PDE1C: variants seen among roughly 807,000 people sequenced by gnomAD.
The protein encoded by PDE1C is dual specificity calcium/calmodulin-dependent 3',5'-cyclic nucleotide phosphodiesterase 1C.
PDE1C carries 62 observed loss-of-function variants against 93.1 expected under a neutral mutation model. That is an observed-to-expected ratio of 0.67 (90% CI 0.54 to 0.82). PDE1C has a LOEUF of 0.82. Among genes scored for constraint, PDE1C ranks in the 40% least tolerant of loss-of-function variants. The pLI is 0.00. For synonymous variants in PDE1C, 325 were observed against 310.1 expected (o/e 1.05, Z -0.50); for missense variants, 742 against 884.6 (o/e 0.84, Z 2.04).
chr7:32,398,641 G>A (rs1784885008), intron 1 of PDE1C, among the ~76,000 whole-genome samples: 2 of 151,866 alleles, frequency 1.3e-5, no homozygotes, highest in African/African-American at 2.4e-5. Flanking sequence ...CTCCCGTCTC[G>A]GCCTCCCAAA....
chr7:31,954,023 T>C (rs1483335324), intron 2 of PDE1C, among the ~76,000 whole-genome samples: 1 of 152,206 alleles, frequency 6.6e-6, no homozygotes. Context: ...CTGCTGTAAG[T>C]AAGCAAAACT....
chr7:31,794,215 T>G (rs1785018374), intron 16 of PDE1C, among the ~76,000 whole-genome samples: 1 of 151,850 alleles, frequency 6.6e-6, no homozygotes, highest in Non-Finnish European at 1.5e-5. Context: ...CTCCTAAAAT[T>G]TACCCATTTG....
At chr7:31,835,965 T>C (rs753264749) in intron 11 of PDE1C, among the ~76,000 whole-genome samples, 1 of 152,200 alleles carries the variant, frequency 6.6e-6, no homozygotes. Flanking sequence ...AAAGAGCCCA[T>C]CTCTTGTCAG....
At chr7:32,081,270 A>T (rs761615390) in intron 3 of PDE1C, among the ~76,000 whole-genome samples, 2 of 152,300 alleles carry the variant, frequency 1.3e-5, no homozygotes, top group Non-Finnish European at 1.5e-5. Context: ...AGCTCCCATC[A>T]AGTCAATTAA....
At chr7:32,182,273 A>C (rs1330900943) in intron 2 of PDE1C, among the ~76,000 whole-genome samples, 2 of 152,252 alleles carry the variant, frequency 1.3e-5, no homozygotes, top group Non-Finnish European at 2.9e-5. Flanking sequence ...CAATAGAAAA[A>C]GAGGAATCCT....
chr7:31,794,031 G>T (rs1343382259), intron 16 of PDE1C, among the ~76,000 whole-genome samples: 1 of 121,156 alleles, frequency 8.3e-6, no homozygotes, highest in Non-Finnish European at 1.7e-5. Flanking sequence ...TAGATAGATA[G>T]ATAGATAGAT....
intron 3 of PDE1C, among the ~76,000 whole-genome samples, chr7:32,141,876 ACT>A (rs1800554560): frequency 6.6e-6 from 1 of 152,190 alleles, no homozygotes. Flanking sequence ...ATATGGTGAC[ACT>A]CTGTATTGTC....
chr7:31,935,534 C>T (rs1804925294), intron 2 of PDE1C, among the ~76,000 whole-genome samples: 2 of 152,092 alleles, frequency 1.3e-5, no homozygotes, highest in African/African-American at 4.8e-5. Context: ...TCAGGGAGAG[C>T]TTTCAATGAT....
chr7:31,734,465 G>A, the PDE1C span, among the ~76,000 whole-genome samples: 1 of 152,128 alleles, frequency 6.6e-6, no homozygotes, highest in South Asian at 2.1e-4. Flanking sequence ...CCTGCACCAA[G>A]GAGCCCTGGG....
At chr7:32,379,029 C>T (rs1336679421) in intron 1 of PDE1C, among the ~76,000 whole-genome samples, 1 of 152,178 alleles carries the variant, frequency 6.6e-6, no homozygotes, top group Admixed American at 6.5e-5. Context: ...ATTATGAAGT[C>T]CAAACTCTTT....
chr7:32,053,974 T>C (rs986837332), intron 1 of PDE1C, among the ~76,000 whole-genome samples: 5 of 151,702 alleles, frequency 3.3e-5, no homozygotes, highest in Admixed American at 2.6e-4. Flanking sequence ...TATGGAAGTA[T>C]ACAGCAAGCA....
At chr7:31,699,451 A>C in the PDE1C span, among the ~76,000 whole-genome samples, 1 of 152,230 alleles carries the variant, frequency 6.6e-6, no homozygotes, top group Non-Finnish European at 1.5e-5. Context: ...CAAGGGGTCC[A>C]GAGATCTTGG....
intron 7 of PDE1C, chr7:31,850,986 C>A: frequency 2.5e-6 from 1 of 403,696 alleles, no homozygotes; most frequent in Non-Finnish European, 4.6e-6. Context: ...TTCAAGAAAT[C>A]AAAGAGAATG....
chr7:31,849,606 T>C (rs1793072776), intron 8 of PDE1C, among the ~76,000 whole-genome samples: 1 of 152,170 alleles, frequency 6.6e-6, no homozygotes. Context: ...TACATGTAGA[T>C]TGATTTAATG....
chr7:31,876,058 T>A (rs1796552915), intron 5 of PDE1C, among the ~76,000 whole-genome samples: 1 of 151,512 alleles, frequency 6.6e-6, no homozygotes, highest in Non-Finnish European at 1.5e-5. Flanking sequence ...CTTCTGGCAA[T>A]GAAGTGGAAA....
intron 2 of PDE1C, among the ~76,000 whole-genome samples, chr7:31,946,270 T>C (rs1358295379): frequency 2.6e-5 from 4 of 152,142 alleles, no homozygotes; most frequent in Non-Finnish European, 5.9e-5. Context: ...TAAAAGAGTC[T>C]TGGAACATGT....
intron 2 of PDE1C, among the ~76,000 whole-genome samples, chr7:32,015,433 C>T (rs1183065656): frequency 6.6e-6 from 1 of 152,102 alleles, no homozygotes; most frequent in East Asian, 1.9e-4. Context: ...ATTTCCCTGT[C>T]AGTTAAGGGA....
chr7:31,696,897 C>T, the PDE1C span: 1 of 1,523,652 alleles, frequency 6.6e-7, no homozygotes, highest in South Asian at 1.3e-5. Flanking sequence ...TATAAATATG[C>T]ACAGTCCTCA....
intron 1 of PDE1C, among the ~76,000 whole-genome samples, chr7:32,340,203 G>A (rs1783721927): frequency 6.6e-6 from 1 of 152,124 alleles, no homozygotes; most frequent in African/African-American, 2.4e-5. Context: ...TTTCAGAGGT[G>A]GGGCAGTTAT....
Sources: gnomAD v4.1 joint callset for allele counts (sites outside exome capture counted in the v4.1 genomes callset) on GRCh38, gnomAD v4.1.1 for gene constraint, MANE v1.5 for transcripts, NCBI Gene and HGNC (gene_info 2026-07-23, HGNC 2026-07-21) for gene names.